The following ACOXL variants were observed in gnomAD, a reference collection of about 807,000 sequenced individuals.
The protein encoded by ACOXL is acyl-CoA oxidase like.
Under a neutral mutation model 71.9 loss-of-function variants are expected in ACOXL, and 70 were observed. That is an observed-to-expected ratio of 0.97 (90% CI 0.80 to 1.19). ACOXL has a LOEUF of 1.19. Ranked by LOEUF, ACOXL falls within the 50% of genes most tolerant of loss-of-function variation. ACOXL has a pLI of 0.00. For synonymous variants in ACOXL, 253 were observed against 281.6 expected, an observed-to-expected ratio of 0.90 and a Z score of 1.02; for missense variants, 703 against 736.3, an observed-to-expected ratio of 0.95 and a Z score of 0.52.
intron 16 of ACOXL, among the ~76,000 whole-genome samples, chr2:111,076,585 T>C (rs758711323): frequency 6.6e-6 from 1 of 152,228 alleles, no homozygotes; most frequent in Non-Finnish European, 1.5e-5. Flanking sequence ...AATGTGATTA[T>C]TGATATGTTT....
chr2:111,052,857 C>G (rs559400236), intron 16 of ACOXL, among the ~76,000 whole-genome samples: 2 of 152,248 alleles, frequency 1.3e-5, no homozygotes, highest in Admixed American at 6.5e-5. Context: ...CTCCCACCCC[C>G]CCAATCTAGG....
At chr2:110,946,747 GC>G (rs768116021) in intron 12 of ACOXL, among the ~76,000 whole-genome samples, 14 of 152,158 alleles carry the variant, frequency 9.2e-5, no homozygotes, top group Non-Finnish European at 1.9e-4. Flanking sequence ...TTGCTGAGCT[GC>G]CCCGTGGTTA....
chr2:110,978,340 A>T (rs1313649832), intron 12 of ACOXL, among the ~76,000 whole-genome samples: 2 of 152,206 alleles, frequency 1.3e-5, no homozygotes, highest in Non-Finnish European at 2.9e-5. Flanking sequence ...TCCACAAGGG[A>T]GGAGCCCTCA....
chr2:110,987,776 A>G (rs1170184249), intron 13 of ACOXL, among the ~76,000 whole-genome samples: 4 of 152,196 alleles, frequency 2.6e-5, no homozygotes, highest in African/African-American at 9.7e-5. Flanking sequence ...CCTCTTCACA[A>G]TATTCTGTAA....
intron 1 of ACOXL, among the ~76,000 whole-genome samples, chr2:110,757,058 C>A (rs529775378): frequency 1.3e-5 from 2 of 152,202 alleles, no homozygotes; most frequent in African/African-American, 4.8e-5. Context: ...TCCTCCAACC[C>A]CCCCCAAGAC....
chr2:110,760,941 T>C (rs1487412608), intron 1 of ACOXL, among the ~76,000 whole-genome samples: 1 of 152,200 alleles, frequency 6.6e-6, no homozygotes, highest in Admixed American at 6.5e-5. Flanking sequence ...AGACCCTGCC[T>C]CTTAAATGAG....
At chr2:110,946,569 A>G (rs1186707582) in intron 12 of ACOXL, among the ~76,000 whole-genome samples, 2 of 152,204 alleles carry the variant, frequency 1.3e-5, no homozygotes, top group Non-Finnish European at 2.9e-5. Context: ...ATTTTGCCAT[A>G]TGAAAATTGA....
At chr2:110,843,819 A>G (rs1336700026) in intron 10 of ACOXL, among the ~76,000 whole-genome samples, 3 of 152,256 alleles carry the variant, frequency 2.0e-5, no homozygotes, top group Non-Finnish European at 4.4e-5. Context: ...AGCAATTAAC[A>G]AATATCATGG....
chr2:110,786,843 C>T (rs1220837581), intron 3 of ACOXL, among the ~76,000 whole-genome samples: 2 of 152,180 alleles, frequency 1.3e-5, no homozygotes, highest in Admixed American at 6.5e-5. Flanking sequence ...AAACAACAAA[C>T]TATTTGTAAT....
At chr2:110,968,705 C>T (rs1233450282) in intron 12 of ACOXL, 8 of 1,108,104 alleles carry the variant, frequency 7.2e-6, no homozygotes, top group South Asian at 3.7e-5. Flanking sequence ...AGCTCAGGAG[C>T]GGGCTGCTGA....
chr2:110,852,585 A>C (rs1692751845), intron 10 of ACOXL, among the ~76,000 whole-genome samples: 2 of 152,196 alleles, frequency 1.3e-5, no homozygotes, highest in Non-Finnish European at 2.9e-5. Flanking sequence ...TTGGCCTCTT[A>C]TGTGGCTCAA....
chr2:110,867,901 T>A (rs996403086), intron 10 of ACOXL, among the ~76,000 whole-genome samples: 5 of 152,126 alleles, frequency 3.3e-5, no homozygotes, highest in Non-Finnish European at 5.9e-5. Flanking sequence ...TAGCTGGGAT[T>A]ACAGGTGCCC....
intron 12 of ACOXL, among the ~76,000 whole-genome samples, chr2:110,969,162 C>T (rs1574325793): frequency 6.6e-6 from 1 of 152,022 alleles, no homozygotes. Context: ...GTATGGGAGG[C>T]AGATAAAATA....
intron 11 of ACOXL, among the ~76,000 whole-genome samples, chr2:110,910,341 A>G (rs1033929100): frequency 5.3e-5 from 8 of 152,234 alleles, no homozygotes; most frequent in African/African-American, 1.9e-4. Context: ...GTAACATGAA[A>G]TGACTAAACT....
chr2:111,073,680 A>C (rs1247610063), intron 16 of ACOXL, among the ~76,000 whole-genome samples: 1 of 152,210 alleles, frequency 6.6e-6, no homozygotes, highest in Non-Finnish European at 1.5e-5. Flanking sequence ...TAAGCCTTAA[A>C]ATCAAATAAG....
intron 10 of ACOXL, among the ~76,000 whole-genome samples, chr2:110,874,849 G>A (rs1037797304): frequency 6.6e-6 from 1 of 152,156 alleles, no homozygotes; most frequent in South Asian, 2.1e-4. Context: ...AGCATCCCTC[G>A]GGGTGGGAGG....
At chr2:111,069,556 T>G (rs1268425949) in intron 16 of ACOXL, among the ~76,000 whole-genome samples, 2 of 152,136 alleles carry the variant, frequency 1.3e-5, no homozygotes, top group Non-Finnish European at 2.9e-5. Flanking sequence ...CAAACACCAC[T>G]GGGGGTTGGG....
intron 1 of ACOXL, among the ~76,000 whole-genome samples, chr2:110,762,865 C>G (rs1325460684): frequency 1.3e-5 from 2 of 152,134 alleles, no homozygotes; most frequent in Non-Finnish European, 2.9e-5. Flanking sequence ...CCACATTGCC[C>G]AGGCTGGTCT....
chr2:110,806,991 G>C (rs1159724984), intron 9 of ACOXL, among the ~76,000 whole-genome samples: 1 of 152,166 alleles, frequency 6.6e-6, no homozygotes, highest in African/African-American at 2.4e-5. Context: ...CCCAGGGAGA[G>C]GAGCCACAGT....
Sources: gnomAD v4.1 joint callset for allele counts (sites outside exome capture counted in the v4.1 genomes callset) on GRCh38, gnomAD v4.1.1 for gene constraint, MANE v1.5 for transcripts, NCBI Gene and HGNC (gene_info 2026-07-23, HGNC 2026-07-21) for gene names.